The following TJP1 variants were observed in gnomAD, a reference collection of about 807,000 sequenced individuals.
TJP1 encodes the protein tight junction protein ZO-1.
Under a neutral mutation model 194.2 loss-of-function variants are expected in TJP1, and 43 were observed. The ratio of observed to expected loss-of-function variants is 0.22; its 90% CI spans 0.17 to 0.29. The LOEUF (loss-of-function observed/expected upper bound fraction) is 0.29. Among genes scored for constraint, TJP1 ranks in the 10% least tolerant of loss-of-function variants. TJP1 has a pLI of 1.00. For missense variants in TJP1, 1,971 were observed against 2,185.7 expected, an observed-to-expected ratio of 0.90 and a Z score of 1.96; for synonymous variants, 801 against 779.0, an observed-to-expected ratio of 1.03 and a Z score of -0.47.
At chr15:29,862,070 C>G (rs1193582542) in intron 2 of TJP1, among the ~76,000 whole-genome samples, 2 of 152,168 alleles carry the variant, frequency 1.3e-5, no homozygotes, top group Non-Finnish European at 2.9e-5. Flanking sequence ...TAGATATACA[C>G]TTGTCCCAGC....
chr15:29,870,562 G>A (rs1341659733), intron 2 of TJP1, among the ~76,000 whole-genome samples: 2 of 152,158 alleles, frequency 1.3e-5, no homozygotes, highest in Non-Finnish European at 2.9e-5. Context: ...GATTTATTGT[G>A]CCCCTGGGAA....
At chr15:29,820,808 G>C (rs1476569757) in intron 1 of TJP1, 3 of 509,182 alleles carry the variant, frequency 5.9e-6, no homozygotes, top group East Asian at 6.1e-5. Context: ...AAGGTCAAAA[G>C]GTGCAAGTTA....
At chr15:29,777,955 T>C (rs1222713203) in intron 2 of TJP1, among the ~76,000 whole-genome samples, 1 of 152,198 alleles carries the variant, frequency 6.6e-6, no homozygotes, top group South Asian at 2.1e-4. Flanking sequence ...AATTACTCTA[T>C]GTAATTTTAC....
chr15:29,837,531 C>T lies in TJP1; in HGVS notation c.307-36829G>A, dbSNP rs1043009318. 2.0e-5 allele frequency among the ~76,000 whole-genome samples: 3 copies of T among 151,968 alleles called. No homozygotes were observed. The East Asian group carries it at 5.8e-4, about 29-fold the overall frequency. ...CAAGATGGCGCCCTTGCACTCCAGC[C>T]TAGGCAACAAAAGAGAAACTCCGTC... On this transcript the variant is annotated intron_variant, in intron 2 of 28. Coordinates refer to the TJP1 transcript ENST00000356107.
chr15:29,718,181 A>G, intron 21 of TJP1, 63 bp from the exon 22 acceptor site: 2 of 1,589,312 alleles, frequency 1.3e-6, no homozygotes, highest in Non-Finnish European at 1.7e-6. Flanking sequence ...TTAACAGAAT[A>G]GATATCATGT....
rs118002899 is a variant in TJP1 at position 29,714,239 on chromosome 15, T to C, written c.4202+2372A>G. On this transcript the variant is annotated intron_variant, in intron 23 of 27. Coordinates refer to ENST00000614355, the MANE Select transcript of TJP1 (RefSeq NM_001330239.4). ...AAACAACTTACTTTTTAGACCTAAATATACTCCTTTTTTTTTTTGAGATGA... is the reference window on the plus strand; with the variant it reads ...AAACAACTTACTTTTTAGACCTAAACATACTCCTTTTTTTTTTTGAGATGA... Among the ~76,000 whole-genome samples, 731 of 152,266 alleles carry C rather than the reference T, an allele frequency of 4.8e-3. 29 individuals are homozygous for C. The East Asian group carries it at 0.097, about 20-fold the overall frequency.
chr15:29,804,252 T>C (rs2048975676), intron 1 of TJP1, among the ~76,000 whole-genome samples: 2 of 152,118 alleles, frequency 1.3e-5, no homozygotes. Flanking sequence ...AGTAAAATGA[T>C]AATGGTAGAA....
At position 29,951,359 on chromosome 15, in the gene TJP1, G is replaced by C. The variant is rs779938214; in HGVS notation, c.306+4873C>G. Reference sequence around the variant, plus strand: ...ATTTTTGGATTTTTAGTAGAGACAGGGTTTTACCAGGTTGACCAGGCTGGT... The same window carrying C: ...ATTTTTGGATTTTTAGTAGAGACAGCGTTTTACCAGGTTGACCAGGCTGGT... On this transcript the variant is annotated intron_variant, in intron 2 of 28. Transcript: ENST00000356107. Among the ~76,000 whole-genome samples the C allele has an allele frequency of 1.2e-4, 18 of 152,052 alleles. 1 individual carries two copies. The East Asian group carries it at 1.4e-3, about 11-fold the overall frequency.
intron 2 of TJP1, among the ~76,000 whole-genome samples, chr15:29,791,312 C>T (rs1595904551): frequency 6.6e-6 from 1 of 151,814 alleles, no homozygotes; most frequent in Non-Finnish European, 1.5e-5. Flanking sequence ...CAGGCATGAG[C>T]CACCGCACCC....
chr15:29,718,831 G>A lies in TJP1; in HGVS notation c.3311C>T (p.Pro1104Leu). 1 of 1,614,174 alleles carries A rather than the reference G, an allele frequency of 6.2e-7. No homozygotes were observed. The highest frequency in any genetic ancestry group is 1.1e-5 in the South Asian group (1 of 91,082). Residue 1104 changes from proline (P) to leucine (L), a missense_variant, in exon 21 of 28, where the codon CCA (proline) becomes CTA (leucine). Coordinates refer to ENST00000614355, the MANE Select transcript of TJP1 (RefSeq NM_001330239.4). ...YDDKQPYPSRPPFDNQHSQDL... is the reference protein window; with the variant it reads ...YDDKQPYPSRLPFDNQHSQDL... Reference sequence around the variant, plus strand: ...TTGAGAGTGCTGATTATCAAAAGGTGGCCGAGATGGGTAGGGCTGTTTGTC... The same window carrying A: ...TTGAGAGTGCTGATTATCAAAAGGTAGCCGAGATGGGTAGGGCTGTTTGTC...
intron 2 of TJP1, among the ~76,000 whole-genome samples, chr15:29,902,083 T>C (rs2053652007): frequency 6.6e-6 from 1 of 152,184 alleles, no homozygotes; most frequent in African/African-American, 2.4e-5. Flanking sequence ...TTCCACAAAT[T>C]GGAAGAGGGG....
chr15:29,968,228 A>G, intron 1 of TJP1: 1 of 985,466 alleles, frequency 1.0e-6, no homozygotes, highest in Non-Finnish European at 1.2e-6. Context: ...ACTCAGCAGC[A>G]GACGAATTTT....
intron 2 of TJP1, among the ~76,000 whole-genome samples, chr15:29,874,892 G>C (rs927670219): frequency 2.0e-5 from 3 of 152,114 alleles, no homozygotes; most frequent in African/African-American, 7.2e-5. Context: ...GACCATTCAG[G>C]TAAATACAGA....
At chr15:29,850,487 C>T (rs2051598619) in intron 2 of TJP1, among the ~76,000 whole-genome samples, 1 of 151,986 alleles carries the variant, frequency 6.6e-6, no homozygotes, top group Non-Finnish European at 1.5e-5. Context: ...CAGGCACACG[C>T]CACCATGCCC....
chr15:29,777,628 G>A (rs1331364673), intron 2 of TJP1, among the ~76,000 whole-genome samples: 1 of 152,120 alleles, frequency 6.6e-6, no homozygotes, highest in Admixed American at 6.5e-5. Context: ...GGAGGCTATA[G>A]CAAACAGTCT....
intron 2 of TJP1, among the ~76,000 whole-genome samples, chr15:29,839,905 T>C (rs1361303260): frequency 6.6e-6 from 1 of 152,232 alleles, no homozygotes; most frequent in Non-Finnish European, 1.5e-5. Flanking sequence ...CTTGCCAACA[T>C]ATGATGTTTT....
chr15:29,792,218 A>G (rs954191651), intron 2 of TJP1, among the ~76,000 whole-genome samples: 29 of 152,138 alleles, frequency 1.9e-4, no homozygotes, highest in African/African-American at 6.5e-4. Context: ...GTGTTTCCCA[A>G]TGTTTTCTTC....
At chr15:29,731,268 A>G (rs1391623885) in intron 15 of TJP1, among the ~76,000 whole-genome samples, 1 of 152,154 alleles carries the variant, frequency 6.6e-6, no homozygotes, top group Non-Finnish European at 1.5e-5. Context: ...TGACTTTGAC[A>G]CACATGGCCA....
intron 1 of TJP1, among the ~76,000 whole-genome samples, chr15:29,801,343 CCAAGAATCATCATAAAATAAAAG>C (rs1166162869): frequency 6.6e-6 from 1 of 152,152 alleles, no homozygotes; most frequent in Non-Finnish European, 1.5e-5. Flanking sequence ...CCAAACTCCC[CCAAGAATCATCATAAAATAAAAG>C]CAGTAAGAGC....
Sources: gnomAD v4.1 joint callset for allele counts (sites outside exome capture counted in the v4.1 genomes callset) on GRCh38, gnomAD v4.1.1 for gene constraint, MANE v1.5 for transcripts, NCBI Gene and HGNC (gene_info 2026-07-23, HGNC 2026-07-21) for gene names.